The following TJP1 variants were observed in gnomAD, a reference collection of about 807,000 sequenced individuals.
The protein encoded by TJP1 is tight junction protein 1, also known as tight junction protein ZO-1.
Under a neutral mutation model 194.2 loss-of-function variants are expected in TJP1, and 43 were observed. That is an observed-to-expected ratio of 0.22 (90% CI 0.17 to 0.29). TJP1 has a LOEUF of 0.29. TJP1 is among the 10% of genes least tolerant of loss of function. TJP1 has a pLI of 1.00. For synonymous variants in TJP1, 801 were observed against 779.0 expected (o/e 1.03, Z -0.47); for missense variants, 1,971 against 2,185.7 (o/e 0.90, Z 1.96).
At chr15:29,837,141 A>G (rs1421294522) in intron 2 of TJP1, among the ~76,000 whole-genome samples, 2 of 152,248 alleles carry the variant, frequency 1.3e-5, no homozygotes, top group African/African-American at 2.4e-5. Context: ...TTTCTGTAAC[A>G]TAAATGTTAT....
In TJP1 at chr15:29,761,622, C is replaced by T; in HGVS notation, c.841G>A (p.Ala281Thr). The change falls in exon 7 of 28, where the codon GCT becomes ACT. Residue 281 changes from alanine to threonine, a missense_variant. Physicochemically the swap from Ala to Thr is moderately conservative, Grantham distance 58 (BLOSUM62 0). This residue lies in a region of TJP1 where 192 missense variants were observed against 182.3 expected (regional missense o/e 1.05). Transcript: ENST00000614355. ...TCACCGTCTCTCTCAGAGGCATTAG[C>T]AGAGTGGATGCTGTCAGAAAGATCA... ...VPDLSDSIHS[A>T]NASERDDISE... The T allele has an allele frequency of 6.2e-7, 1 of 1,604,330 alleles. No homozygotes were observed.
intron 2 of TJP1, among the ~76,000 whole-genome samples, chr15:29,781,732 A>G (rs924703197): frequency 1.2e-4 from 18 of 152,252 alleles, no homozygotes; most frequent in Non-Finnish European, 2.5e-4. Context: ...TTATCTTAAT[A>G]GATGCAGAAA....
At chr15:29,846,361 G>A (rs543672455) in intron 2 of TJP1, among the ~76,000 whole-genome samples, 1 of 152,086 alleles carries the variant, frequency 6.6e-6, no homozygotes, top group Non-Finnish European at 1.5e-5. Context: ...CCTATGCTGC[G>A]CCTTTCATTG....
At chr15:29,834,142 A>T (rs543277515) in intron 2 of TJP1, among the ~76,000 whole-genome samples, 2 of 150,502 alleles carry the variant, frequency 1.3e-5, no homozygotes, top group African/African-American at 2.4e-5. Context: ...CGGCTTCCCA[A>T]TGTGCTGGGA....
chr15:29,725,896 G>A (rs936361914), intron 18 of TJP1, among the ~76,000 whole-genome samples: 18 of 152,290 alleles, frequency 1.2e-4, no homozygotes, highest in African/African-American at 3.9e-4. Flanking sequence ...CAGTGGGTAC[G>A]AGGATACTCG....
chr15:29,721,105 T>C (rs1307844022), intron 18 of TJP1, among the ~76,000 whole-genome samples: 1 of 152,198 alleles, frequency 6.6e-6, no homozygotes, highest in African/African-American at 2.4e-5. Context: ...ACTGACAGAA[T>C]AGCACATGGA....
At chr15:29,898,521 A>G (rs866428444) in intron 2 of TJP1, among the ~76,000 whole-genome samples, 13 of 152,348 alleles carry the variant, frequency 8.5e-5, no homozygotes, top group Middle Eastern at 3.4e-3. Context: ...ATTTTCATCA[A>G]TAGTTATATT....
rs1321390475 is a variant in TJP1, at chr15:29,719,796, G to A, written c.2984C>T (p.Ser995Leu). The change falls in exon 20 of 28, where the codon TCG becomes TTG. Residue 995 changes from serine to leucine, a missense_variant. Physicochemically the swap from Ser to Leu is moderately radical, Grantham distance 145 (BLOSUM62 -2). Transcript: ENST00000614355. ...MLRDQEPSLS[S>L]HVDPTKVYRK... ...AGGTACCTTTGTTGGATCTACATGC[G>A]ACGACAATGATGGTTCTTGATCTCT... 4 of 1,613,836 alleles carry A rather than the reference G, an allele frequency of 2.5e-6. No homozygotes were observed. Among genetic ancestry groups the A allele is most frequent in the Non-Finnish European group, 3.4e-6 (4 of 1,179,864 alleles).
downstream of TJP1, chr15:29,700,140 C>T (rs527594169): frequency 3.0e-5 from 12 of 397,544 alleles, no homozygotes; most frequent in South Asian, 1.5e-3. Context: ...GGCAAACAGA[C>T]CAAGCCAGCA....
chr15:29,834,042 C>T (rs1441185628), intron 2 of TJP1, among the ~76,000 whole-genome samples: 3 of 142,906 alleles, frequency 2.1e-5, no homozygotes, highest in Admixed American at 7.1e-5. Flanking sequence ...CCACCACGCC[C>T]GGCTAATTTT....
At chr15:29,848,801 G>T (rs2051519716) in intron 2 of TJP1, among the ~76,000 whole-genome samples, 1 of 151,734 alleles carries the variant, frequency 6.6e-6, no homozygotes, top group South Asian at 2.1e-4. Flanking sequence ...GGAGGTTGCA[G>T]TGAGCCGAGA....
chr15:29,904,369 T>C (rs2053736389), intron 2 of TJP1, among the ~76,000 whole-genome samples: 1 of 152,030 alleles, frequency 6.6e-6, no homozygotes, highest in African/African-American at 2.4e-5. Context: ...CAGTGAGAAG[T>C]TATCAAATTT....
intron 2 of TJP1, among the ~76,000 whole-genome samples, chr15:29,852,243 T>C (rs924366428): frequency 7.2e-5 from 11 of 152,164 alleles, no homozygotes; most frequent in Admixed American, 4.6e-4. Context: ...AGGACTAGAA[T>C]ATACAATGAA....
chr15:29,725,905 C>T (rs1052557449), intron 18 of TJP1, among the ~76,000 whole-genome samples: 7 of 152,158 alleles, frequency 4.6e-5, no homozygotes, highest in Admixed American at 6.5e-5. Flanking sequence ...CGAGGATACT[C>T]GTGAGGGGTC....
intron 2 of TJP1, among the ~76,000 whole-genome samples, chr15:29,884,527 T>C (rs1226353538): frequency 6.6e-6 from 1 of 152,212 alleles, no homozygotes; most frequent in Non-Finnish European, 1.5e-5. Context: ...AGGCAGAACT[T>C]CATCCAATAG....
intron 1 of TJP1, among the ~76,000 whole-genome samples, chr15:29,964,432 AAGACACAG>A (rs1428231969): frequency 1.2e-4 from 19 of 152,242 alleles, no homozygotes; most frequent in African/African-American, 2.4e-4. Flanking sequence ...GAGACAGGAG[AAGACACAG>A]AGACACAGAG....
At chr15:29,926,408 TC>T (rs1333238395) in intron 2 of TJP1, among the ~76,000 whole-genome samples, 5 of 151,988 alleles carry the variant, frequency 3.3e-5, no homozygotes, top group Admixed American at 3.3e-4. Flanking sequence ...GGTCAGGAGT[TC>T]AAGACCAGTC....
intron 1 of TJP1, among the ~76,000 whole-genome samples, chr15:29,963,137 G>A (rs1408185548): frequency 2.6e-5 from 4 of 151,996 alleles, no homozygotes; most frequent in South Asian, 2.1e-4. Flanking sequence ...GTGAAACTTC[G>A]TCTCAAAAAA....
At chr15:29,752,742 A>G (rs575882708) in intron 8 of TJP1, among the ~76,000 whole-genome samples, 1 of 152,358 alleles carries the variant, frequency 6.6e-6, no homozygotes, top group African/African-American at 2.4e-5. Flanking sequence ...TTAGCAAAAA[A>G]GCATTTAATA....
Sources: gnomAD v4.1 joint callset for allele counts (sites outside exome capture counted in the v4.1 genomes callset) on GRCh38, gnomAD v4.1.1 for gene constraint, gnomAD v4.1.1 regional missense constraint, MANE v1.5 for transcripts, NCBI Gene and HGNC (gene_info 2026-07-23, HGNC 2026-07-21) for gene names.